The following CAMKMT variants were observed in gnomAD, a reference collection of about 807,000 sequenced individuals.
CAMKMT encodes CaM KMT.
CAMKMT carries 53 observed loss-of-function variants against 48.0 expected under a neutral mutation model. The observed-to-expected ratio is 1.10, with a 90% CI of 0.89 to 1.39. The LOEUF (loss-of-function observed/expected upper bound fraction) is 1.39. CAMKMT is among the 40% of genes most tolerant of loss of function. The probability of loss-of-function intolerance (pLI) is 0.00; values close to 1 mark genes in which losing one functional copy is unlikely to be tolerated. For synonymous variants in CAMKMT, 165 were observed against 152.3 expected (o/e 1.08, Z -0.61); for missense variants, 428 against 402.7 (o/e 1.06, Z -0.54).
chr2:44,366,718 G>GTTATTATTATTT (rs1678629872), intron 1 of CAMKMT, among the ~76,000 whole-genome samples: 1 of 150,102 alleles, frequency 6.7e-6, no homozygotes, highest in Non-Finnish European at 1.5e-5. Context: ...AGCAGCTATT[G>GTTATTATTATTT]TTATTATTAT....
chr2:44,442,153 C>A (rs1056823657), intron 3 of CAMKMT, among the ~76,000 whole-genome samples: 2 of 152,014 alleles, frequency 1.3e-5, no homozygotes, highest in Admixed American at 6.6e-5. Context: ...AAGCAAGACT[C>A]CAGTCTGAGA....
intron 7 of CAMKMT, among the ~76,000 whole-genome samples, chr2:44,732,149 T>A (rs1048160991): frequency 6.6e-6 from 1 of 152,134 alleles, no homozygotes; most frequent in Non-Finnish European, 1.5e-5. Flanking sequence ...GACAGGGGTC[T>A]CACTATGTTG....
At chr2:44,735,784 G>C (rs1241954430) in intron 7 of CAMKMT, among the ~76,000 whole-genome samples, 1 of 151,844 alleles carries the variant, frequency 6.6e-6, no homozygotes, top group East Asian at 1.9e-4. Flanking sequence ...GTGGTCGTTG[G>C]TGCCTGTAAT....
Position 44,390,303 on chromosome 2 carries a change from T to G in CAMKMT, c.374T>G (p.Val125Gly), listed in dbSNP as rs1681204210. The G allele has an allele frequency of 6.3e-7, 1 of 1,597,240 alleles. No homozygotes were observed. Among genetic ancestry groups the G allele is most frequent in the Non-Finnish European group, 8.6e-7 (1 of 1,168,598 alleles). ...ACCAGCTTTGACAATACAGGAAATG[T>G]TTGTAAGTTATACATTCACTCTATA... ...VLTSFDNTGN[V>G]CIWPSEEVLA... Residue 125 changes from valine to glycine, a missense_variant and splice_region_variant, in exon 3 of 11, where the codon GTT becomes GGT. Physicochemically the swap from Val to Gly is moderately radical, Grantham distance 109 (BLOSUM62 -3). Transcript: ENST00000378494.
intron 3 of CAMKMT, among the ~76,000 whole-genome samples, chr2:44,565,928 T>C (rs899640503): frequency 2.6e-5 from 4 of 152,190 alleles, no homozygotes; most frequent in Non-Finnish European, 5.9e-5. Context: ...AATATTGTTT[T>C]GTCATGCCAC....
At chr2:44,487,730 T>C (rs116713719) in intron 3 of CAMKMT, among the ~76,000 whole-genome samples, 1,693 of 152,348 alleles carry the variant, frequency 0.011, 36 homozygotes, top group African/African-American at 0.039. Flanking sequence ...TGTTATCATT[T>C]TATGCATTCA....
chr2:44,470,264 T>A (rs1188696770), intron 3 of CAMKMT, among the ~76,000 whole-genome samples: 1 of 152,206 alleles, frequency 6.6e-6, no homozygotes, highest in Non-Finnish European at 1.5e-5. Flanking sequence ...CTGGGTTTTC[T>A]CCTCTCCCAT....
chr2:44,531,949 C>G (rs1168921038), intron 3 of CAMKMT, among the ~76,000 whole-genome samples: 1 of 152,070 alleles, frequency 6.6e-6, no homozygotes, highest in East Asian at 1.9e-4. Flanking sequence ...CAGGAAAGGA[C>G]AATTTTAGGA....
At chr2:44,470,168 G>T (rs2104647713) in intron 3 of CAMKMT, among the ~76,000 whole-genome samples, 1 of 152,134 alleles carries the variant, frequency 6.6e-6, no homozygotes, top group Middle Eastern at 3.4e-3. Flanking sequence ...AGGTAGGAGG[G>T]TTGTGTCAAT....
chr2:44,576,503 G>C (rs1426218293), intron 3 of CAMKMT, among the ~76,000 whole-genome samples: 1 of 152,204 alleles, frequency 6.6e-6, no homozygotes, highest in Non-Finnish European at 1.5e-5. Flanking sequence ...CTAAAAATGA[G>C]AGGGCAGGGA....
rs1287070205 is a variant in CAMKMT, at chr2:44,587,732, G to A, written c.377-116551G>A. Among the ~76,000 whole-genome samples the A allele has an allele frequency of 2.6e-3, 341 of 132,524 alleles. 6 individuals are homozygous for A. Among genetic ancestry groups the A allele is most frequent in the African/African-American group, 9.1e-3 (324 of 35,560 alleles). The allele number at this position is 132,524 out of a possible 152,430, so 86.9% of individuals were successfully genotyped here. A position where few individuals can be genotyped will look rare whatever the true frequency, so the allele number is the denominator to read the frequency against. ...TGACCGCGAGTGATCCGCCAGCCTCGGCCTCCCGAGGTGCTGGGATTGCAG... is the reference window on the plus strand; with the variant it reads ...TGACCGCGAGTGATCCGCCAGCCTCAGCCTCCCGAGGTGCTGGGATTGCAG... On this transcript the variant is annotated intron_variant, in intron 3 of 10. Coordinates refer to ENST00000378494, the MANE Select transcript of CAMKMT (RefSeq NM_024766.5).
intron 3 of CAMKMT, among the ~76,000 whole-genome samples, chr2:44,629,164 T>C (rs1672664053): frequency 6.6e-6 from 1 of 152,212 alleles, no homozygotes; most frequent in African/African-American, 2.4e-5. Context: ...TCTGTTTATT[T>C]CTATCAGCTT....
chr2:44,746,422 T>C (rs1158227542), intron 8 of CAMKMT, among the ~76,000 whole-genome samples: 1 of 152,170 alleles, frequency 6.6e-6, no homozygotes. Flanking sequence ...CATTCAAACA[T>C]TCAAAAACCT....
intron 3 of CAMKMT, among the ~76,000 whole-genome samples, chr2:44,652,450 G>A (rs756816882): frequency 4.6e-5 from 7 of 152,154 alleles, no homozygotes; most frequent in African/African-American, 1.4e-4. Context: ...ACTCTCTTTG[G>A]GGGTGTGAGA....
chr2:44,565,989 G>T (rs1668595146), intron 3 of CAMKMT, among the ~76,000 whole-genome samples: 1 of 152,164 alleles, frequency 6.6e-6, no homozygotes, highest in African/African-American at 2.4e-5. Flanking sequence ...TTGTAAATCT[G>T]TGGGGTAAAT....
At chr2:44,461,407 A>G (rs1452935442) in intron 3 of CAMKMT, among the ~76,000 whole-genome samples, 3 of 152,202 alleles carry the variant, frequency 2.0e-5, no homozygotes. Context: ...ATGTTAAATA[A>G]CTTGCTCAAA....
At chr2:44,710,174 G>A (rs1163416851) in intron 6 of CAMKMT, among the ~76,000 whole-genome samples, 2 of 150,392 alleles carry the variant, frequency 1.3e-5, no homozygotes, top group Non-Finnish European at 3.0e-5. Flanking sequence ...GTTTTAGTAT[G>A]TGAGGCAATG....
chr2:44,479,503 G>C (rs1308309389), intron 3 of CAMKMT, among the ~76,000 whole-genome samples: 1 of 152,116 alleles, frequency 6.6e-6, no homozygotes, highest in Non-Finnish European at 1.5e-5. Context: ...ACATTTTTGA[G>C]GTAAATCTGT....
At chr2:44,553,938 A>G (rs368928335) in intron 3 of CAMKMT, among the ~76,000 whole-genome samples, 183 of 152,342 alleles carry the variant, frequency 1.2e-3, no homozygotes, top group Middle Eastern at 3.4e-3. Flanking sequence ...TTCTGATTCT[A>G]TAAAACATAA....
Sources: allele counts gnomAD v4.1 joint callset (sites outside exome capture counted in the v4.1 genomes callset), GRCh38; gene constraint gnomAD v4.1.1; transcripts MANE v1.5; gene names NCBI Gene and HGNC (gene_info 2026-07-23, HGNC 2026-07-21).